Variants in TPH2 observed in about 807,000 individuals in gnomAD.
TPH2 encodes tryptophan hydroxylase 2, also known as tryptophan 5-hydroxylase 2.
A neutral mutation model predicts 59.1 loss-of-function variants in TPH2; 27 were observed. That is an observed-to-expected ratio of 0.46 (90% confidence interval 0.34 to 0.63). TPH2 has a LOEUF of 0.63. Ranked by LOEUF, TPH2 falls within the 30% of genes least tolerant of loss-of-function variation. The pLI is 0.01. For synonymous variants in TPH2, 220 were observed against 210.5 expected, an observed-to-expected ratio of 1.05 and a Z score of -0.39; for missense variants, 523 against 588.3, an observed-to-expected ratio of 0.89 and a Z score of 1.15.
At chr12:72,002,799 A>C (rs1350022075) in intron 8 of TPH2, among the ~76,000 whole-genome samples, 2 of 151,950 alleles carry the variant, frequency 1.3e-5, no homozygotes, top group Non-Finnish European at 2.9e-5. Flanking sequence ...GAAATTAATA[A>C]TACAGGGTTC....
chr12:71,949,313 C>T (rs1871281466), intron 4 of TPH2, among the ~76,000 whole-genome samples: 1 of 152,116 alleles, frequency 6.6e-6, no homozygotes, highest in African/African-American at 2.4e-5. Flanking sequence ...AGGTATTGTT[C>T]ACAATATCAA....
intron 6 of TPH2, among the ~76,000 whole-genome samples, chr12:71,974,721 A>G (rs1872069506): frequency 6.6e-6 from 1 of 152,138 alleles, no homozygotes; most frequent in African/African-American, 2.4e-5. Flanking sequence ...CCCTATTGCC[A>G]CTTATGGCTT....
chr12:71,972,482 A>G, intron 5 of TPH2, 37 bp from the exon 6 acceptor site: 1 of 1,603,610 alleles, frequency 6.2e-7, no homozygotes, highest in Non-Finnish European at 8.5e-7. Flanking sequence ...TCAGTGATTC[A>G]AAGTTAGATT....
intron 4 of TPH2, 37 bp from the exon 5 acceptor site, chr12:71,949,551 C>A: frequency 6.4e-7 from 1 of 1,567,068 alleles, no homozygotes; most frequent in Non-Finnish European, 8.8e-7. Context: ...TAATTTTCAG[C>A]ACTTTGTTAA....
rs199952841 is a variant in TPH2, at chr12:72,013,098, CT to C, written c.1069-9292del. 4.2e-3 allele frequency among the ~76,000 whole-genome samples: 634 copies of C among 151,982 alleles called. 6 individuals are homozygous for C. Among genetic ancestry groups the C allele is most frequent in the African/African-American group, 0.012 (489 of 41,466 alleles). On this transcript the variant is annotated intron_variant, in intron 8 of 10. Transcript: ENST00000333850. ...CAATAAAAGTTGTTTTCTGCTGACA[CT>C]TTTTTTTTCTTCCACGGATGTCCCT...
chr12:71,949,059 A>C (rs1340909052), intron 4 of TPH2, among the ~76,000 whole-genome samples: 1 of 152,206 alleles, frequency 6.6e-6, no homozygotes, highest in East Asian at 1.9e-4. Context: ...TCGATTTTGC[A>C]TTATGTGGCT....
intron 7 of TPH2, among the ~76,000 whole-genome samples, chr12:71,991,429 G>A (rs2139219439): frequency 6.6e-6 from 1 of 152,270 alleles, no homozygotes; most frequent in Non-Finnish European, 1.5e-5. Flanking sequence ...CACTGTAATT[G>A]TTACTTTAGT....
chr12:71,957,867 A>T (rs1447989060), intron 5 of TPH2, among the ~76,000 whole-genome samples: 1 of 152,222 alleles, frequency 6.6e-6, no homozygotes, highest in Admixed American at 6.5e-5. Context: ...AGCTCGCAAC[A>T]GGGCTATGTT....
chr12:71,986,976 G>T (rs887831957), intron 7 of TPH2, among the ~76,000 whole-genome samples: 1 of 152,152 alleles, frequency 6.6e-6, no homozygotes, highest in African/African-American at 2.4e-5. Context: ...GTAGAGAATT[G>T]TGTCTGTGGG....
At chr12:71,997,184 G>A (rs1532008) in intron 8 of TPH2, among the ~76,000 whole-genome samples, 78,549 of 151,866 alleles carry the variant, frequency 0.52, 20,817 homozygotes, top group Middle Eastern at 0.59. Flanking sequence ...AGCCAGCAAC[G>A]CTGCATCTCT....
Position 72,031,826 on chromosome 12 carries a change from CATCTTGTAACTCACTGTGTTAGTAT to C in TPH2, c.*134_*158del. On this transcript the variant is annotated 3_prime_UTR_variant, in exon 11 of 11. Transcript: ENST00000333850. ...AGCATGCAATTCCATATATCTATAC[CATCTTGTAACTCACTGTGTTAGTAT>C]ATAAAGCACCATAAGAAATCCAATG... is the stretch of plus-strand genomic sequence containing the variant. The C allele has an allele frequency of 1.0e-6, 1 of 1,003,080 alleles. No homozygotes were observed. The highest frequency in any genetic ancestry group is 1.6e-6 in the Non-Finnish European group (1 of 640,526). 62.1% of individuals were successfully genotyped at this position (1,003,080 alleles called of 1,614,324 possible). A position where few individuals can be genotyped will look rare whatever the true frequency, so the allele number is the denominator to read the frequency against.
At chr12:71,985,590 G>A (rs950611653) in intron 7 of TPH2, among the ~76,000 whole-genome samples, 11 of 152,170 alleles carry the variant, frequency 7.2e-5, no homozygotes, top group African/African-American at 2.7e-4. Context: ...GTATAGACAA[G>A]GTTTTATCAT....
intron 5 of TPH2, among the ~76,000 whole-genome samples, chr12:71,958,447 C>G (rs1452302932): frequency 6.6e-6 from 1 of 152,230 alleles, no homozygotes; most frequent in Non-Finnish European, 1.5e-5. Context: ...AAAAGTTATT[C>G]TCCTTACAGA....
At chr12:71,941,171 G>T in intron 1 of TPH2, among the ~76,000 whole-genome samples, 1 of 152,078 alleles carries the variant, frequency 6.6e-6, no homozygotes, top group East Asian at 1.9e-4. Context: ...AAATATGTTT[G>T]ATCTTATTTT....
Position 71,944,427 on chromosome 12 carries a change from C to A in TPH2, c.389C>A (p.Thr130Asn), listed in dbSNP as rs1871149275. ...NELIQLLKFQ[T>N]TIVTLNPPEN... Reference sequence around the variant, plus strand: ...CTCATTCAGTTGCTGAAATTTCAAACCACTATTGTGACGCTGAATCCTCCA... The same window carrying A: ...CTCATTCAGTTGCTGAAATTTCAAAACACTATTGTGACGCTGAATCCTCCA... The change falls in exon 3 of 11, where the codon ACC becomes AAC. Residue 130 changes from threonine (T) to asparagine (N), a missense_variant. Coordinates refer to ENST00000333850, the MANE Select transcript of TPH2 (RefSeq NM_173353.4). 1.2e-6 allele frequency: 2 copies of A among 1,613,928 alleles called. No homozygotes were observed. The highest frequency in any genetic ancestry group is 4.5e-5 in the East Asian group (2 of 44,878).
At position 72,032,217 on chromosome 12, in the gene TPH2, T is replaced by C; in HGVS notation, c.*522T>C. ...AAAAATTGTTGAGGTAACACAGCAG[T>C]TGGAATGATTTTTAGGTTGAGTATT... is the stretch of plus-strand genomic sequence containing the variant. On this transcript the variant is annotated 3_prime_UTR_variant, in exon 11 of 11. Coordinates refer to ENST00000333850, the MANE Select transcript of TPH2 (RefSeq NM_173353.4). 5.9e-6 allele frequency: 1 copy of C among 169,950 alleles called. No individual in the cohort carries two copies. Among genetic ancestry groups the C allele is most frequent in the Admixed American group, 5.6e-5 (1 of 17,902 alleles). The allele number at this position is 169,950 out of a possible 1,614,324, so 10.5% of individuals were successfully genotyped here.
rs1253000843 is a variant in TPH2 at position 71,963,548 on chromosome 12, C to T, written c.609-8971C>T. Among the ~76,000 whole-genome samples, 3 of 49,200 alleles carry T rather than the reference C, an allele frequency of 6.1e-5. 1 individual carries two copies. The highest frequency in any genetic ancestry group is 1.7e-4 in the African/African-American group (3 of 17,374). The allele number at this position is 49,200 out of a possible 152,430, so 32.3% of individuals were successfully genotyped here. A position where few individuals can be genotyped will look rare whatever the true frequency, so the allele number is the denominator to read the frequency against. On this transcript the variant is annotated intron_variant, in intron 5 of 10. Transcript: ENST00000333850. Reference sequence around the variant, plus strand: ...CTTAGTGGCTGGATACTTTGGCTCACACCTGTAATCCCAGCTCTTTGGGAG... The same window carrying T: ...CTTAGTGGCTGGATACTTTGGCTCATACCTGTAATCCCAGCTCTTTGGGAG...
intron 5 of TPH2, among the ~76,000 whole-genome samples, chr12:71,970,268 T>C (rs1320096449): frequency 6.6e-6 from 1 of 152,160 alleles, no homozygotes; most frequent in Non-Finnish European, 1.5e-5. Context: ...GGTTTTTAAC[T>C]CAAAGAGCAG....
intron 7 of TPH2, among the ~76,000 whole-genome samples, 183 bp from the exon 8 acceptor site, chr12:71,994,256 T>C (rs1872642027): frequency 6.6e-6 from 1 of 152,206 alleles, no homozygotes; most frequent in South Asian, 2.1e-4. Context: ...TTAAGTGCTG[T>C]TGATTATGAG....
Sources: allele counts gnomAD v4.1 joint callset (sites outside exome capture counted in the v4.1 genomes callset), GRCh38; gene constraint gnomAD v4.1.1; transcripts MANE v1.5; gene names NCBI Gene and HGNC (gene_info 2026-07-23, HGNC 2026-07-21).